The following AOPEP variants were observed in gnomAD, a reference collection of about 807,000 sequenced individuals.
AOPEP encodes the protein aminopeptidase O (putative).
Under a neutral mutation model 98.1 loss-of-function variants are expected in AOPEP, and 77 were observed. The observed-to-expected ratio is 0.78, with a 90% CI of 0.65 to 0.95. The LOEUF is 0.95. Among genes scored for constraint, AOPEP ranks in the 40% least tolerant of loss-of-function variants. The pLI, the probability that AOPEP is intolerant of heterozygous loss-of-function variation, is 0.00. For missense variants in AOPEP, 1,024 were observed against 1,024.7 expected (o/e 1.00, Z 0.01); for synonymous variants, 346 against 365.3 (o/e 0.95, Z 0.60).
chr9:95,110,585 C>CTATT, the AOPEP span: 1 of 1,035,302 alleles, frequency 9.7e-7, no homozygotes, highest in Non-Finnish European at 1.2e-6. Flanking sequence ...AAATCTAAAA[C>CTATT]TATTTTTCTT....
the AOPEP span, among the ~76,000 whole-genome samples, chr9:95,116,088 T>G: frequency 1.3e-5 from 2 of 152,242 alleles, no homozygotes; most frequent in African/African-American, 4.8e-5. Context: ...AATCTACAAG[T>G]TACACAAACG....
At chr9:94,886,004 T>A (rs1166675773) in intron 5 of AOPEP, among the ~76,000 whole-genome samples, 1 of 152,186 alleles carries the variant, frequency 6.6e-6, no homozygotes, top group Non-Finnish European at 1.5e-5. Context: ...GTAAAATCCA[T>A]ATTTACTCTC....
At chr9:94,999,241 C>T (rs10993450) in intron 11 of AOPEP, among the ~76,000 whole-genome samples, 9,918 of 151,704 alleles carry the variant, frequency 0.065, 789 homozygotes, top group African/African-American at 0.18. Context: ...ATAAATATAA[C>T]ATGATAGAAA....
rs112406580 is a variant in AOPEP, at chr9:94,983,465, A to G, written c.1977+4038A>G. 7.2e-3 allele frequency among the ~76,000 whole-genome samples: 1,098 copies of G among 152,272 alleles called. 13 individuals carry two copies. The highest frequency in any genetic ancestry group is 0.025 in the African/African-American group (1,041 of 41,544). On this transcript the variant is annotated intron_variant, in intron 11 of 16. Transcript: ENST00000375315. Reference sequence around the variant, plus strand: ...ATTATATTTCGCTTGGACTGGTGCAATAGCAAACTGGTCTTTTAGCTCTCT... The same window carrying G: ...ATTATATTTCGCTTGGACTGGTGCAGTAGCAAACTGGTCTTTTAGCTCTCT...
chr9:95,106,591 CTCAAG>C, the AOPEP span, among the ~76,000 whole-genome samples: 2 of 152,204 alleles, frequency 1.3e-5, no homozygotes, highest in East Asian at 1.9e-4. Context: ...TTTTTTACCC[CTCAAG>C]TCAAGTGGGC....
intron 5 of AOPEP, among the ~76,000 whole-genome samples, chr9:94,850,512 G>A (rs577706327): frequency 6.6e-6 from 1 of 152,144 alleles, no homozygotes; most frequent in Non-Finnish European, 1.5e-5. Context: ...CCCGAGTTAG[G>A]AACTCGTATC....
the AOPEP span, among the ~76,000 whole-genome samples, chr9:95,122,700 G>A: frequency 6.6e-6 from 1 of 152,148 alleles, no homozygotes; most frequent in Non-Finnish European, 1.5e-5. Context: ...AAGCTAAGAA[G>A]AAAAAGAGGC....
Position 95,060,695 on chromosome 9 carries a change from T to G in AOPEP, c.2117T>G (p.Leu706Arg), listed in dbSNP as rs1264870538. 1.9e-6 allele frequency: 3 copies of G among 1,609,468 alleles called. No homozygotes were observed. The highest frequency in any genetic ancestry group is 2.6e-6 in the Non-Finnish European group (3 of 1,175,854). ...RREKEEVFEK[L>R]LPDQLVLLLE... ...TAGGCTGTTTGGTTTTGTCTTTAGC[T>G]TCTTCCAGACCAGCTGGTCTTGCTT... Residue 706 changes from leucine to arginine, a missense_variant and splice_region_variant, in exon 14 of 17, where the codon CTT becomes CGT. By Grantham distance (102) the Leu-to-Arg change is moderately radical. This residue lies in a region of AOPEP where 566 missense variants were observed against 551.7 expected (regional missense o/e 1.03). Transcript: ENST00000375315.
the AOPEP span, among the ~76,000 whole-genome samples, chr9:95,125,831 T>C: frequency 1.3e-5 from 2 of 152,180 alleles, no homozygotes; most frequent in Non-Finnish European, 2.9e-5. Flanking sequence ...AGAGCTGATA[T>C]GGGCTCCCCT....
chr9:95,150,014 G>A, the AOPEP span: 1 of 1,614,102 alleles, frequency 6.2e-7, no homozygotes, highest in Non-Finnish European at 8.5e-7. Context: ...GCCTCCACCA[G>A]GGGGTCAACA....
intron 14 of AOPEP, among the ~76,000 whole-genome samples, chr9:95,063,094 G>A (rs1048669140): frequency 2.0e-5 from 3 of 152,208 alleles, no homozygotes; most frequent in Non-Finnish European, 4.4e-5. Flanking sequence ...CTATGGGCGG[G>A]TGCTGGGCCA....
chr9:95,061,394 A>G (rs1413979714), intron 14 of AOPEP, among the ~76,000 whole-genome samples: 1 of 152,370 alleles, frequency 6.6e-6, no homozygotes, highest in Non-Finnish European at 1.5e-5. Flanking sequence ...CATCTTAAGT[A>G]AAAACAAGAG....
chr9:94,807,329 A>C (rs745807106), intron 5 of AOPEP, among the ~76,000 whole-genome samples: 1 of 152,196 alleles, frequency 6.6e-6, no homozygotes, highest in Non-Finnish European at 1.5e-5. Context: ...GATTATGCTT[A>C]AGTGTTTGGT....
intron 5 of AOPEP, among the ~76,000 whole-genome samples, chr9:94,820,751 C>G (rs111673022): frequency 2.1e-4 from 32 of 152,312 alleles, no homozygotes; most frequent in African/African-American, 7.0e-4. Context: ...GAACCACATG[C>G]AATTTCTGTT....
intron 2 of AOPEP, among the ~76,000 whole-genome samples, chr9:94,762,230 A>G (rs1485461082): frequency 2.0e-5 from 3 of 151,986 alleles, no homozygotes; most frequent in Non-Finnish European, 4.4e-5. Context: ...GGTGGATCAC[A>G]AGGTCAGGAG....
chr9:95,079,976 C>T (rs1220736059), intron 14 of AOPEP, among the ~76,000 whole-genome samples: 1 of 152,140 alleles, frequency 6.6e-6, no homozygotes, highest in East Asian at 1.9e-4. Context: ...GTGTTTGTTA[C>T]AAATCAGCAG....
chr9:94,817,204 C>T (rs552759330), intron 5 of AOPEP, among the ~76,000 whole-genome samples: 1 of 152,132 alleles, frequency 6.6e-6, no homozygotes, highest in Non-Finnish European at 1.5e-5. Context: ...GGGGTTTCGC[C>T]ACGTTGTCCA....
At chr9:95,086,247 G>A in intron 16 of AOPEP, 1 of 1,229,960 alleles carries the variant, frequency 8.1e-7, no homozygotes, top group South Asian at 1.4e-5. Context: ...TGCGGCGTGG[G>A]GGTTTGTAGA....
chr9:95,055,855 A>G (rs1381183260), intron 13 of AOPEP, among the ~76,000 whole-genome samples: 5 of 152,214 alleles, frequency 3.3e-5, no homozygotes, highest in African/African-American at 1.2e-4. Flanking sequence ...AGTCTCCAGC[A>G]TACAGAATTT....
Sources: gnomAD v4.1 joint callset for allele counts (sites outside exome capture counted in the v4.1 genomes callset) on GRCh38, gnomAD v4.1.1 for gene constraint, gnomAD v4.1.1 regional missense constraint, MANE v1.5 for transcripts, NCBI Gene and HGNC (gene_info 2026-07-23, HGNC 2026-07-21) for gene names.